BPNT2: variants seen among roughly 807,000 people sequenced by gnomAD.
BPNT2 encodes Golgi-resident adenosine 3',5'-bisphosphate 3'-phosphatase.
A neutral mutation model predicts 29.3 loss-of-function variants in BPNT2; 11 were observed. The ratio of observed to expected loss-of-function variants is 0.38; its 90% confidence interval spans 0.24 to 0.62. BPNT2 has a LOEUF of 0.62. Ranked by LOEUF, BPNT2 falls within the 20% of genes least tolerant of loss-of-function variation. The pLI, the probability that BPNT2 is intolerant of heterozygous loss-of-function variation, is 0.62. For synonymous variants in BPNT2, 195 were observed against 187.7 expected (o/e 1.04, Z -0.32); for missense variants, 459 against 473.4 (o/e 0.97, Z 0.28).
chr8:56,993,513 A>G lies in BPNT2; in HGVS notation c.73T>C (p.Tyr25His). Residue 25 changes from tyrosine (Y) to histidine (H), a missense_variant, in exon 1 of 5, where the codon TAC (tyrosine) becomes CAC (histidine). Tyr to His is a moderately conservative substitution (Grantham distance 83). Transcript: ENST00000262644. ...VFCLLGLGVL[Y>H]HLYSGFLAGR... ...GCCAAGAAGCCCGAGTAGAGGTGGT[A>G]GAGCACGCCGAGCCCCAGCAGGCAA... 1.3e-6 allele frequency: 2 copies of G among 1,499,412 alleles called. No individual in the cohort carries two copies. The highest frequency in any genetic ancestry group is 1.8e-6 in the Non-Finnish European group (2 of 1,124,664). 92.9% of individuals were successfully genotyped at this position (1,499,412 alleles called of 1,614,324 possible).
At chr8:56,983,725 A>G (rs757100578) in intron 1 of BPNT2, among the ~76,000 whole-genome samples, 3 of 152,246 alleles carry the variant, frequency 2.0e-5, no homozygotes, top group Admixed American at 6.5e-5. Context: ...TGCAACTCCA[A>G]TCAAAATCCC....
intron 2 of BPNT2, among the ~76,000 whole-genome samples, chr8:56,978,834 A>G (rs1293499509): frequency 6.6e-6 from 1 of 152,208 alleles, no homozygotes; most frequent in Non-Finnish European, 1.5e-5. Context: ...TGGGGAGCTA[A>G]ATGATGAGAA....
At chr8:56,980,369 T>C (rs576153286) in intron 1 of BPNT2, among the ~76,000 whole-genome samples, 172 bp from the exon 2 acceptor site, 1 of 151,312 alleles carries the variant, frequency 6.6e-6, no homozygotes, top group South Asian at 2.1e-4. Context: ...AAAAAAAAAA[T>C]CCATGACATC....
intron 3 of BPNT2, among the ~76,000 whole-genome samples, chr8:56,968,000 T>C (rs1169729055): frequency 6.6e-6 from 1 of 152,020 alleles, no homozygotes; most frequent in East Asian, 1.9e-4. Flanking sequence ...CAATGTCCAC[T>C]GAAAAATATA....
chr8:56,963,636 C>A lies in BPNT2; in HGVS notation c.*157G>T. 1 of 761,124 alleles carries A rather than the reference C, an allele frequency of 1.3e-6. No individual in the cohort carries two copies. Among genetic ancestry groups the A allele is most frequent in the South Asian group, 1.7e-5 (1 of 57,254 alleles). 47.1% of individuals were successfully genotyped at this position (761,124 alleles called of 1,614,324 possible). A position where few individuals can be genotyped will look rare whatever the true frequency, so the allele number is the denominator to read the frequency against. ...AACCCATTTTCCCTGATTTTGCATT[C>A]TATTACAGGGAAAATAAGTCTCTGA... On this transcript the variant is annotated 3_prime_UTR_variant, in exon 5 of 5. Transcript: ENST00000262644.
chr8:56,974,678 T>C (rs1055137852), intron 3 of BPNT2, among the ~76,000 whole-genome samples: 2 of 152,238 alleles, frequency 1.3e-5, no homozygotes, highest in Admixed American at 6.5e-5. Flanking sequence ...AGCACCTTTG[T>C]GTTCCAGTAC....
At chr8:56,964,922 A>G (rs1005539542) in intron 4 of BPNT2, among the ~76,000 whole-genome samples, 1 of 152,244 alleles carries the variant, frequency 6.6e-6, no homozygotes, top group African/African-American at 2.4e-5. Context: ...TCTGGACATT[A>G]CTTTTCCTAA....
chr8:56,963,975 C>T lies in BPNT2; in HGVS notation c.898G>A (p.Asp300Asn). The change falls in exon 5 of 5, where the codon GAT becomes AAT. Residue 300 changes from aspartate to asparagine, a missense_variant. Asp to Asn is a conservative substitution (Grantham distance 23, BLOSUM62 1). Transcript: ENST00000262644. ...YIHVTYIKKW[D>N]ICAGNAILKA... The stretch of plus-strand genomic sequence containing the variant: ...AAGATGGCATTACCAGCACATATAT[C>T]CCACTTTTTGATGTATGTCACATGG... 6.2e-7 allele frequency: 1 copy of T among 1,613,622 alleles called. No homozygotes were observed. The highest frequency in any genetic ancestry group is 8.5e-7 in the Non-Finnish European group (1 of 1,179,766).
intron 3 of BPNT2, 133 bp downstream of exon 3, chr8:56,977,917 T>C (rs948801112): frequency 7.1e-6 from 5 of 701,190 alleles, no homozygotes; most frequent in Non-Finnish European, 1.3e-5. Flanking sequence ...AGACACATAA[T>C]TTGTGTTTTT....
chr8:56,965,131 G>A (rs1445678084), intron 4 of BPNT2, among the ~76,000 whole-genome samples: 2 of 152,086 alleles, frequency 1.3e-5, no homozygotes, highest in Non-Finnish European at 2.9e-5. Context: ...ACCAGCCTGG[G>A]CAACGTGGCA....
intron 2 of BPNT2, among the ~76,000 whole-genome samples, chr8:56,978,362 T>A (rs1220858816): frequency 6.6e-6 from 1 of 152,134 alleles, no homozygotes; most frequent in Non-Finnish European, 1.5e-5. Context: ...CTCACACTAG[T>A]CAGAATGGCT....
At chr8:56,982,013 T>G (rs76795084) in intron 1 of BPNT2, among the ~76,000 whole-genome samples, 1,902 of 152,168 alleles carry the variant, frequency 0.012, 13 homozygotes, top group Middle Eastern at 0.031. Flanking sequence ...TTTTAAAAAA[T>G]ATAACTATCA....
intron 2 of BPNT2, among the ~76,000 whole-genome samples, chr8:56,978,822 A>C (rs2129205253): frequency 6.6e-6 from 1 of 152,260 alleles, no homozygotes; most frequent in South Asian, 2.1e-4. Flanking sequence ...ATGTTCTCTA[A>C]GTGGGGAGCT....
chr8:56,968,800 T>C (rs1010547994), intron 3 of BPNT2, among the ~76,000 whole-genome samples: 3 of 152,198 alleles, frequency 2.0e-5, no homozygotes, highest in Non-Finnish European at 4.4e-5. Context: ...GTTTAGTGGG[T>C]TGAATGAACA....
chr8:56,970,648 CTG>C (rs1284140658), intron 3 of BPNT2, among the ~76,000 whole-genome samples: 1 of 152,100 alleles, frequency 6.6e-6, no homozygotes, highest in Non-Finnish European at 1.5e-5. Flanking sequence ...TAGGAAATAA[CTG>C]TTAATTTTAT....
At chr8:56,977,892 C>T (rs990531615) in intron 3 of BPNT2, among the ~76,000 whole-genome samples, 158 bp downstream of exon 3, 6 of 152,154 alleles carry the variant, frequency 3.9e-5, no homozygotes, top group African/African-American at 1.2e-4. Context: ...TCAGACACTA[C>T]ATTTTTGTTG....
intron 1 of BPNT2, among the ~76,000 whole-genome samples, chr8:56,985,489 T>C (rs1563411165): frequency 6.6e-6 from 1 of 151,998 alleles, no homozygotes; most frequent in African/African-American, 2.4e-5. Flanking sequence ...AGCCAATCAC[T>C]CCCAAAGAAG....
At chr8:56,988,102 CT>C in intron 1 of BPNT2, among the ~76,000 whole-genome samples, 1 of 152,134 alleles carries the variant, frequency 6.6e-6, no homozygotes, top group Non-Finnish European at 1.5e-5. Context: ...TTACAGAAAC[CT>C]TTTACTATCA....
chr8:56,991,629 C>T (rs1240776467), intron 1 of BPNT2, among the ~76,000 whole-genome samples: 2 of 152,228 alleles, frequency 1.3e-5, no homozygotes, highest in East Asian at 3.9e-4. Context: ...TCAGATTTCC[C>T]GTTTGTATAG....
Sources: allele counts gnomAD v4.1 joint callset (sites outside exome capture counted in the v4.1 genomes callset), GRCh38; gene constraint gnomAD v4.1.1; transcripts MANE v1.5; gene names NCBI Gene and HGNC (gene_info 2026-07-23, HGNC 2026-07-21).